Variants in ABCA1 observed in about 807,000 individuals in gnomAD.
ABCA1 encodes the protein phospholipid-transporting ATPase ABCA1.
Under a neutral mutation model 262.5 loss-of-function variants are expected in ABCA1, and 133 were observed. That is an observed-to-expected ratio of 0.51 (90% CI 0.44 to 0.59). The LOEUF (loss-of-function observed/expected upper bound fraction) is 0.59, where lower values mean the gene tolerates loss of function less well. ABCA1 is among the 20% of genes least tolerant of loss of function. ABCA1 has a pLI of 0.00. For missense variants in ABCA1, 2,452 were observed against 2,777.5 expected, an observed-to-expected ratio of 0.88 and a Z score of 2.63; for synonymous variants, 1,022 against 1,043.5, an observed-to-expected ratio of 0.98 and a Z score of 0.40.
Position 104,818,690 on chromosome 9 carries a change from A to G in ABCA1, c.3435T>C (p.Ser1145=), listed in dbSNP as rs1239681664. ...TTTTCAGGTATGACACAGTGCTACT[A>G]CTGTTTCTGCAGGAACTGAGGGAGG... The part of the protein sequence containing the change: ...VESSLSSCRN[S]SSTVSYLKKE... Residue 1145 remains serine, a synonymous_variant, in exon 23 of 50, where the codon AGT becomes AGC. Transcript: ENST00000374736. 6.2e-7 allele frequency: 1 copy of G among 1,613,228 alleles called. No homozygotes were observed. The highest frequency in any genetic ancestry group is 8.5e-7 in the Non-Finnish European group (1 of 1,180,012).
rs889598093 is a variant in ABCA1 at position 104,884,301 on chromosome 9, T to C, written c.302+126A>G. On this transcript the variant is annotated intron_variant, in intron 4 of 49. Coordinates refer to ENST00000374736, the MANE Select transcript of ABCA1 (RefSeq NM_005502.4). ...CTCCCTTCCCTCATTCTGCAGACTC[T>C]ATCACACAAGCATTTACAAAAACAA... 2.8e-5 allele frequency: 35 copies of C among 1,262,508 alleles called. No individual in the cohort carries two copies. In the Admixed American group the frequency reaches 6.6e-4, roughly 24 times the overall value. The allele number at this position is 1,262,508 out of a possible 1,614,324, so 78.2% of individuals were successfully genotyped here. A position where few individuals can be genotyped will look rare whatever the true frequency, so the allele number is the denominator to read the frequency against.
chr9:104,802,372 GC>G (rs1249703211), intron 33 of ABCA1, among the ~76,000 whole-genome samples: 1 of 152,200 alleles, frequency 6.6e-6, no homozygotes, highest in African/African-American at 2.4e-5. Context: ...GGAGGACCTG[GC>G]CTGATTACAC....
chr9:104,832,466 T>C (rs1833430539), intron 12 of ABCA1, 108 bp downstream of exon 12: 1 of 1,216,486 alleles, frequency 8.2e-7, no homozygotes, highest in Non-Finnish European at 1.2e-6. Context: ...GTTTTGTAAA[T>C]GAGACTATAC....
intron 4 of ABCA1, among the ~76,000 whole-genome samples, chr9:104,883,950 G>A (rs113406851): frequency 6.6e-5 from 10 of 152,340 alleles, no homozygotes; most frequent in South Asian, 2.1e-4. Flanking sequence ...ACACTCAGGG[G>A]AGAAAGACCT....
intron 2 of ABCA1, chr9:104,889,421 T>G: frequency 3.2e-6 from 3 of 952,172 alleles, no homozygotes; most frequent in Non-Finnish European, 3.8e-6. Context: ...AGATGCTTCC[T>G]ATCGTGCTTT....
At chr9:104,910,282 G>A (rs1304277751) in intron 1 of ABCA1, among the ~76,000 whole-genome samples, 1 of 152,204 alleles carries the variant, frequency 6.6e-6, no homozygotes, top group East Asian at 1.9e-4. Context: ...GAATGTTGAA[G>A]ACTCATTCCC....
chr9:104,816,086 C>G (rs1831726917), intron 25 of ABCA1, 57 bp downstream of exon 25: 1 of 1,583,212 alleles, frequency 6.3e-7, no homozygotes, highest in Non-Finnish European at 8.7e-7. Context: ...GGCTACTGGT[C>G]TGGCCTTAGG....
intron 31 of ABCA1, 118 bp downstream of exon 31, chr9:104,806,123 C>T (rs896316572): frequency 1.7e-6 from 2 of 1,160,840 alleles, no homozygotes; most frequent in South Asian, 3.0e-5. Flanking sequence ...AAACAAAAAA[C>T]AAAAAAGACT....
At chr9:104,849,129 A>G (rs1486971506) in intron 7 of ABCA1, among the ~76,000 whole-genome samples, 1 of 152,202 alleles carries the variant, frequency 6.6e-6, no homozygotes, top group East Asian at 1.9e-4. Flanking sequence ...CTTTTAGTTT[A>G]AATTTCTTAA....
chr9:104,829,673 A>T (rs1480082404), intron 14 of ABCA1, among the ~76,000 whole-genome samples: 3 of 152,138 alleles, frequency 2.0e-5, no homozygotes, highest in Non-Finnish European at 4.4e-5. Flanking sequence ...GTAGGCACAT[A>T]CTCACTACAT....
rs577270835 is a variant in ABCA1 at position 104,889,422 on chromosome 9, A to T, written c.67-227T>A. The stretch of plus-strand genomic sequence containing the variant: ...CCTTAGGTAAGGGAAGATGCTTCCT[A>T]TCGTGCTTTATCTGGTTCACTTCTA... On this transcript the variant is annotated intron_variant, in intron 2 of 49. Coordinates refer to ENST00000374736, the MANE Select transcript of ABCA1 (RefSeq NM_005502.4). 5.2e-6 allele frequency: 5 copies of T among 953,964 alleles called. No homozygotes were observed. The Admixed American group carries it at 3.1e-4, about 59-fold the overall frequency. The allele number at this position is 953,964 out of a possible 1,614,324, so 59.1% of individuals were successfully genotyped here. A position where few individuals can be genotyped will look rare whatever the true frequency, so the allele number is the denominator to read the frequency against.
intron 2 of ABCA1, among the ~76,000 whole-genome samples, chr9:104,894,679 T>G (rs2118370733): frequency 6.6e-6 from 1 of 152,334 alleles, no homozygotes; most frequent in East Asian, 1.9e-4. Context: ...TTCGCCATTA[T>G]GGACCCCAAC....
chr9:104,875,351 CAAAAA>C (rs749025515), intron 5 of ABCA1, among the ~76,000 whole-genome samples: 1 of 63,992 alleles, frequency 1.6e-5, no homozygotes. Flanking sequence ...GACTCCATCT[CAAAAA>C]AAAAAAAAAA....
At chr9:104,836,920 C>G (rs765026953) in intron 11 of ABCA1, 60 bp downstream of exon 11, 22 of 1,360,966 alleles carry the variant, frequency 1.6e-5, no homozygotes, top group Non-Finnish European at 2.2e-5. Context: ...GGGAAAGTGA[C>G]CAGAAACTCA....
intron 44 of ABCA1, 128 bp from the exon 45 acceptor site, chr9:104,788,695 G>C: frequency 8.2e-7 from 1 of 1,216,702 alleles, no homozygotes. Context: ...GCTGCTACTT[G>C]AAAGCACAGC....
chr9:104,840,041 T>A (rs542407025), intron 9 of ABCA1, among the ~76,000 whole-genome samples: 1 of 152,346 alleles, frequency 6.6e-6, no homozygotes, highest in South Asian at 2.1e-4. Flanking sequence ...CTGTCAATCA[T>A]TCATTCCATT....
chr9:104,870,178 C>T (rs1837476407), intron 5 of ABCA1, among the ~76,000 whole-genome samples: 1 of 152,214 alleles, frequency 6.6e-6, no homozygotes. Context: ...CACATTCCTT[C>T]TAGTATTTTA....
intron 2 of ABCA1, among the ~76,000 whole-genome samples, chr9:104,903,155 T>C (rs1453165657): frequency 6.6e-6 from 1 of 152,208 alleles, no homozygotes; most frequent in Admixed American, 6.5e-5. Flanking sequence ...TCAGTTATTA[T>C]ATTCCTCCAG....
At chr9:104,836,252 A>G (rs1344694347) in intron 11 of ABCA1, among the ~76,000 whole-genome samples, 4 of 152,210 alleles carry the variant, frequency 2.6e-5, no homozygotes, top group Admixed American at 1.3e-4. Flanking sequence ...CTTAAAGTCA[A>G]TAAGGTTCAA....
Sources: allele counts gnomAD v4.1 joint callset (sites outside exome capture counted in the v4.1 genomes callset), GRCh38; gene constraint gnomAD v4.1.1; transcripts MANE v1.5; gene names NCBI Gene and HGNC (gene_info 2026-07-23, HGNC 2026-07-21).